NPAS3: variants seen among roughly 807,000 people sequenced by gnomAD.
The protein encoded by NPAS3 is neuronal PAS domain-containing protein 3.
NPAS3 carries 14 observed loss-of-function variants against 73.1 expected under a neutral mutation model. That is an observed-to-expected ratio of 0.19 (90% CI 0.13 to 0.30). The LOEUF is 0.30. Ranked by LOEUF, NPAS3 falls within the 10% of genes least tolerant of loss-of-function variation. The pLI is 1.00. For synonymous variants in NPAS3, 620 were observed against 541.5 expected (o/e 1.14, Z -2.01); for missense variants, 1,096 against 1,250.0 (o/e 0.88, Z 1.86).
At chr14:33,326,114 A>G (rs1264369619) in intron 3 of NPAS3, among the ~76,000 whole-genome samples, 2 of 152,186 alleles carry the variant, frequency 1.3e-5, no homozygotes, top group African/African-American at 4.8e-5. Flanking sequence ...CCTTAATTTA[A>G]GGTGATGGTG....
intron 2 of NPAS3, among the ~76,000 whole-genome samples, chr14:33,148,613 T>A (rs2044330980): frequency 6.6e-6 from 1 of 152,226 alleles, no homozygotes; most frequent in Admixed American, 6.5e-5. Context: ...TAAGCTCAAC[T>A]GAAAAAATTT....
At chr14:33,383,869 T>C (rs1007712721) in intron 4 of NPAS3, among the ~76,000 whole-genome samples, 16 of 152,098 alleles carry the variant, frequency 1.1e-4, no homozygotes, top group Admixed American at 7.9e-4. Context: ...TCCTCTAAAA[T>C]CTCGAGCATG....
At chr14:32,959,599 A>C (rs549013798) in intron 1 of NPAS3, among the ~76,000 whole-genome samples, 44 of 152,296 alleles carry the variant, frequency 2.9e-4, no homozygotes, top group Middle Eastern at 3.4e-3. Flanking sequence ...ATTGTGTTCC[A>C]GTTTCTCATA....
intron 4 of NPAS3, among the ~76,000 whole-genome samples, chr14:33,546,585 A>G (rs769111803): frequency 6.6e-6 from 1 of 152,200 alleles, no homozygotes; most frequent in Non-Finnish European, 1.5e-5. Context: ...ATAGTAAGCT[A>G]TGTGGGACAG....
chr14:33,235,851 A>G (rs1416141474), intron 3 of NPAS3, among the ~76,000 whole-genome samples: 1 of 111,630 alleles, frequency 9.0e-6, no homozygotes, highest in Non-Finnish European at 1.7e-5. Flanking sequence ...TTGCTCTGTC[A>G]CATCATAGTT....
At chr14:33,183,854 A>G (rs1047015095) in intron 2 of NPAS3, among the ~76,000 whole-genome samples, 5 of 152,150 alleles carry the variant, frequency 3.3e-5, no homozygotes, top group Admixed American at 1.3e-4. Flanking sequence ...TCTGCAAGCC[A>G]TATTCATGTG....
chr14:33,520,177 G>T (rs2053494094), intron 4 of NPAS3, among the ~76,000 whole-genome samples: 3 of 152,140 alleles, frequency 2.0e-5, no homozygotes, highest in African/African-American at 7.2e-5. Context: ...AGCTACCACA[G>T]TACAAAAAGT....
intron 7 of NPAS3, among the ~76,000 whole-genome samples, chr14:33,746,869 T>C (rs1240492771): frequency 6.6e-6 from 1 of 151,786 alleles, no homozygotes; most frequent in East Asian, 1.9e-4. Flanking sequence ...GCATTAGGTA[T>C]ATCTCCCAAT....
chr14:33,437,152 T>C (rs2049025097), intron 4 of NPAS3, among the ~76,000 whole-genome samples: 1 of 152,200 alleles, frequency 6.6e-6, no homozygotes, highest in Non-Finnish European at 1.5e-5. Flanking sequence ...TATTTGTTGT[T>C]GTTGTTATTT....
intron 2 of NPAS3, among the ~76,000 whole-genome samples, chr14:33,213,263 A>G (rs1168063513): frequency 6.6e-6 from 1 of 152,074 alleles, no homozygotes; most frequent in Non-Finnish European, 1.5e-5. Flanking sequence ...AGTTTAGCCC[A>G]CCTTCTGGAG....
At chr14:33,332,145 A>G (rs367831575) in intron 3 of NPAS3, among the ~76,000 whole-genome samples, 11 of 152,210 alleles carry the variant, frequency 7.2e-5, no homozygotes, top group African/African-American at 2.7e-4. Flanking sequence ...GGGTACTCCA[A>G]ACTTTAAATG....
At chr14:33,356,000 T>C (rs2140367508) in intron 3 of NPAS3, among the ~76,000 whole-genome samples, 1 of 152,376 alleles carries the variant, frequency 6.6e-6, no homozygotes, top group East Asian at 1.9e-4. Context: ...TGGTGGTCCA[T>C]GGCCTGGCAC....
intron 2 of NPAS3, among the ~76,000 whole-genome samples, chr14:33,093,172 G>A (rs146447816): frequency 0.027 from 4,135 of 152,304 alleles, 71 homozygotes; most frequent in Non-Finnish European, 0.041. Flanking sequence ...TATCATTAGC[G>A]TGAACAGGCA....
intron 11 of NPAS3, among the ~76,000 whole-genome samples, chr14:33,798,661 T>A (rs1195583188): frequency 6.6e-6 from 1 of 152,188 alleles, no homozygotes; most frequent in African/African-American, 2.4e-5. Context: ...TCAAGGCAGA[T>A]CTTCATTGTC....
chr14:33,528,149 G>A (rs1157529387), intron 4 of NPAS3, among the ~76,000 whole-genome samples: 1 of 151,984 alleles, frequency 6.6e-6, no homozygotes, highest in African/African-American at 2.4e-5. Flanking sequence ...AGATTATCCT[G>A]ATTATCTTTT....
chr14:33,208,801 A>G (rs2046924244), intron 2 of NPAS3, among the ~76,000 whole-genome samples: 1 of 152,206 alleles, frequency 6.6e-6, no homozygotes, highest in Non-Finnish European at 1.5e-5. Context: ...GCTATGTTAC[A>G]CTTTGCTTCC....
chr14:33,612,121 C>G (rs575916148), intron 5 of NPAS3, among the ~76,000 whole-genome samples: 111 of 152,202 alleles, frequency 7.3e-4, no homozygotes, highest in African/African-American at 2.6e-3. Flanking sequence ...TGTGCTGCTC[C>G]TCTCTTCTGA....
intron 2 of NPAS3, among the ~76,000 whole-genome samples, chr14:33,172,633 G>A (rs973624759): frequency 6.6e-6 from 1 of 152,028 alleles, no homozygotes; most frequent in Non-Finnish European, 1.5e-5. Flanking sequence ...CTACTTGGGG[G>A]GCTGAGGCAG....
At chr14:33,095,730 G>A (rs1164244524) in intron 2 of NPAS3, among the ~76,000 whole-genome samples, 7 of 141,044 alleles carry the variant, frequency 5.0e-5, no homozygotes, top group African/African-American at 1.6e-4. Context: ...GTGCAGTGGC[G>A]CGATCTGGAC....
Sources: gnomAD v4.1 joint callset for allele counts (sites outside exome capture counted in the v4.1 genomes callset) on GRCh38, gnomAD v4.1.1 for gene constraint, MANE v1.5 for transcripts, NCBI Gene and HGNC (gene_info 2026-07-23, HGNC 2026-07-21) for gene names.